The following ZCWPW1 variants were observed in gnomAD, a reference collection of about 807,000 sequenced individuals.
ZCWPW1 encodes zinc finger CW-type PWWP domain protein 1.
Under a neutral mutation model 81.3 loss-of-function variants are expected in ZCWPW1, and 56 were observed. The observed-to-expected ratio is 0.69, with a 90% CI of 0.56 to 0.86. The LOEUF (loss-of-function observed/expected upper bound fraction) is 0.86. Among genes scored for constraint, ZCWPW1 ranks in the 40% least tolerant of loss-of-function variants. The pLI is 0.00. For missense variants in ZCWPW1, 650 were observed against 769.8 expected, an observed-to-expected ratio of 0.84 and a Z score of 1.84; for synonymous variants, 250 against 273.7, an observed-to-expected ratio of 0.91 and a Z score of 0.86.
chr7:100,407,173 G>A, intron 11 of ZCWPW1, 55 bp downstream of exon 11: 1 of 1,523,338 alleles, frequency 6.6e-7, no homozygotes, highest in Admixed American at 1.7e-5. Context: ...TGTGAGGATG[G>A]ATTTGTTCAT....
In ZCWPW1 at chr7:100,409,512, G is replaced by C; in HGVS notation, c.787C>G (p.Pro263Ala). The C allele has an allele frequency of 6.2e-7, 1 of 1,614,102 alleles. No individual in the cohort carries two copies. Among genetic ancestry groups the C allele is most frequent in the Non-Finnish European group, 8.5e-7 (1 of 1,179,980 alleles). Residue 263 changes from proline (P) to alanine (A), a missense_variant, in exon 9 of 18, where the codon CCA becomes GCA. By Grantham distance (27) the Pro-to-Ala change is conservative (BLOSUM62 -1). Coordinates refer to ENST00000684423, the MANE Select transcript of ZCWPW1 (RefSeq NM_001386010.1). Reference sequence around the variant, plus strand: ...AGCCGCCTCCATTTCCCACAGTTTGGGAAGGAACACTGGACCCAGACCAGA... The same window carrying C: ...AGCCGCCTCCATTTCCCACAGTTTGCGAAGGAACACTGGACCCAGACCAGA... Reference protein sequence around the residue: ...QCLVWVQCSFPNCGKWRRLCG... With the variant: ...QCLVWVQCSFANCGKWRRLCG...
chr7:100,402,095 C>G, intron 16 of ZCWPW1, 54 bp from the exon 17 acceptor site: 4 of 1,553,366 alleles, frequency 2.6e-6, no homozygotes, highest in Non-Finnish European at 3.5e-6. Flanking sequence ...TCGGCAAGGG[C>G]AGATGGACAC....
chr7:100,422,543 G>A (rs547885121), intron 2 of ZCWPW1, among the ~76,000 whole-genome samples: 3 of 152,302 alleles, frequency 2.0e-5, no homozygotes, highest in South Asian at 4.1e-4. Flanking sequence ...TCCCACTACT[G>A]ATATTATTTC....
At chr7:100,419,587 T>C (rs1021566746) in intron 4 of ZCWPW1, 43 bp downstream of exon 4, 1 of 1,569,312 alleles carries the variant, frequency 6.4e-7, no homozygotes, top group Non-Finnish European at 8.6e-7. Flanking sequence ...AGGGGTAAGG[T>C]ATGAGAAAAT....
intron 10 of ZCWPW1, among the ~76,000 whole-genome samples, chr7:100,407,842 T>G (rs1465964856): frequency 6.6e-6 from 1 of 152,184 alleles, no homozygotes; most frequent in African/African-American, 2.4e-5. Flanking sequence ...TATCTTACCC[T>G]TCTGAGCCAT....
In ZCWPW1 at chr7:100,406,799, C is replaced by T; in HGVS notation, c.1069-1G>A. On this transcript the variant is annotated splice_acceptor_variant, in intron 11 of 17. Transcript: ENST00000684423. LOFTEE classifies it high-confidence loss of function. ...CAAAAAACGTCACATGGTACTTAGA[C>T]TGAAATAAAAGATGATCCTGTTACG... is the stretch of plus-strand genomic sequence containing the variant. 3 of 1,613,774 alleles carry T rather than the reference C, an allele frequency of 1.9e-6. No individual in the cohort carries two copies. Among genetic ancestry groups the T allele is most frequent in the Non-Finnish European group, 2.5e-6 (3 of 1,179,726 alleles).
chr7:100,409,952 C>A (rs1268041134), intron 8 of ZCWPW1, among the ~76,000 whole-genome samples: 5 of 152,184 alleles, frequency 3.3e-5, no homozygotes, highest in African/African-American at 1.2e-4. Context: ...GGCTAACCTG[C>A]ATCTCTTTTG....
chr7:100,406,700 T>G lies in ZCWPW1; in HGVS notation c.1167A>C (p.Ser389=), dbSNP rs761319706. 1.9e-6 allele frequency: 3 copies of G among 1,614,030 alleles called. No homozygotes were observed. In the East Asian group the frequency reaches 6.7e-5, roughly 36 times the overall value. The part of the protein sequence containing the change: ...KNFQELSLEL[S]VMKKRRNDCS... ...AACCCCAAGATGTGCTCACCATGAC[T>G]GATAGCTCCAGGGACAGCTCCTGGA... Residue 389 remains serine (S), a synonymous_variant, in exon 12 of 18, where the codon TCA becomes TCC. Transcript: ENST00000684423.
intron 2 of ZCWPW1, among the ~76,000 whole-genome samples, chr7:100,422,996 C>T (rs1202914419): frequency 2.6e-5 from 4 of 152,324 alleles, no homozygotes; most frequent in Admixed American, 1.3e-4. Context: ...TAACTTCTTG[C>T]AGCCCTTCAC....
At chr7:100,416,184 A>T in intron 7 of ZCWPW1, 87 bp from the exon 8 acceptor site, 1 of 1,597,474 alleles carries the variant, frequency 6.3e-7, no homozygotes. Context: ...AGGAAGAAGA[A>T]TCACAGCCTA....
intron 2 of ZCWPW1, among the ~76,000 whole-genome samples, chr7:100,420,922 G>A (rs369910372): frequency 6.6e-6 from 1 of 152,190 alleles, no homozygotes; most frequent in East Asian, 1.9e-4. Flanking sequence ...GGCCATGGCA[G>A]GCAGATCACT....
intron 16 of ZCWPW1, chr7:100,402,287 C>G (rs755645565): frequency 4.8e-6 from 4 of 829,102 alleles, no homozygotes; most frequent in Non-Finnish European, 6.3e-6. Flanking sequence ...GAAAGCCATC[C>G]TTCTTGGCTA....
At chr7:100,425,959 CCA>C (rs1259181432) in intron 1 of ZCWPW1, among the ~76,000 whole-genome samples, 2 of 152,118 alleles carry the variant, frequency 1.3e-5, no homozygotes, top group South Asian at 2.1e-4. Flanking sequence ...GGTTCTCAAA[CCA>C]AAAAGTTTGA....
rs1563146214 is a variant in ZCWPW1, at chr7:100,419,772, G to C, written c.140C>G (p.Pro47Arg). The change falls in exon 4 of 18, where the codon CCA becomes CGA. Residue 47 changes from proline to arginine, a missense_variant. Pro to Arg is a moderately radical substitution (Grantham distance 103). Transcript: ENST00000684423. ...PKEETPGISS[P>R]ETEARISLPK... ...CAGGCTTATCCTGGCCTCTGTCTCT[G>C]GGGAACTGATCCCCGGGGTCTCCTC... The C allele has an allele frequency of 6.2e-7, 1 of 1,613,892 alleles. No individual in the cohort carries two copies. Among genetic ancestry groups the C allele is most frequent in the African/African-American group, 1.3e-5 (1 of 74,862 alleles).
chr7:100,402,507 C>A lies in ZCWPW1; in HGVS notation c.1474+9G>T. The A allele has an allele frequency of 6.8e-6, 11 of 1,614,066 alleles. No individual in the cohort carries two copies. Among genetic ancestry groups the A allele is most frequent in the Non-Finnish European group, 8.5e-6 (10 of 1,179,990 alleles). The stretch of plus-strand genomic sequence containing the variant: ...TGGGTTGTGCTCCATTTCCAGCTGG[C>A]CTGCTTACCTCTTGGCTTGGTTTTT... On this transcript the variant is annotated intron_variant, in intron 16 of 17. Coordinates refer to ENST00000684423, the MANE Select transcript of ZCWPW1 (RefSeq NM_001386010.1).
chr7:100,417,349 G>T, intron 5 of ZCWPW1, 166 bp from the exon 6 acceptor site: 1 of 561,934 alleles, frequency 1.8e-6, no homozygotes, highest in South Asian at 2.4e-5. Flanking sequence ...CTACAAATAT[G>T]TATCTTTCTG....
chr7:100,404,310 T>C (rs1792531482), intron 13 of ZCWPW1, 66 bp from the exon 14 acceptor site: 1 of 1,405,482 alleles, frequency 7.1e-7, no homozygotes, highest in Admixed American at 1.9e-5. Context: ...GCCTTCTGTC[T>C]TCTGGAATTT....
At chr7:100,407,385 G>C in intron 10 of ZCWPW1, 82 bp from the exon 11 acceptor site, 3 of 1,236,720 alleles carry the variant, frequency 2.4e-6, no homozygotes, top group Non-Finnish European at 3.5e-6. Flanking sequence ...TACATGCACA[G>C]AGAAGAGCAG....
At chr7:100,423,609 G>T (rs1301900928) in intron 2 of ZCWPW1, among the ~76,000 whole-genome samples, 1 of 151,990 alleles carries the variant, frequency 6.6e-6, no homozygotes. Context: ...AAGCAACGAC[G>T]TTTCCTTTAT....
Sources: allele counts gnomAD v4.1 joint callset (sites outside exome capture counted in the v4.1 genomes callset), GRCh38; gene constraint gnomAD v4.1.1; transcripts MANE v1.5; gene names NCBI Gene and HGNC (gene_info 2026-07-23, HGNC 2026-07-21).